The following ADAMTS17 variants were observed in gnomAD, a reference collection of about 807,000 sequenced individuals.
ADAMTS17 encodes the protein ADAM metallopeptidase with thrombospondin type 1 motif 17, also known as A disintegrin and metalloproteinase with thrombospondin motifs 17.
ADAMTS17 carries 113 observed loss-of-function variants against 141.5 expected under a neutral mutation model. That is an observed-to-expected ratio of 0.80 (90% CI 0.69 to 0.93). The LOEUF (loss-of-function observed/expected upper bound fraction) is 0.93, where lower values mean the gene tolerates loss of function less well. ADAMTS17 is among the 40% of genes least tolerant of loss of function. ADAMTS17 has a pLI of 0.00. For synonymous variants in ADAMTS17, 768 were observed against 630.6 expected, an observed-to-expected ratio of 1.22 and a Z score of -3.27; for missense variants, 1,659 against 1,517.9, an observed-to-expected ratio of 1.09 and a Z score of -1.54.
intron 14 of ADAMTS17, 28 bp from the exon 15 acceptor site, chr15:100,096,504 T>C: frequency 1.2e-6 from 2 of 1,613,970 alleles, no homozygotes; most frequent in Non-Finnish European, 1.7e-6. Context: ...CTCATTATTC[T>C]GTGGTTAAGA....
intron 17 of ADAMTS17, among the ~76,000 whole-genome samples, chr15:100,049,518 A>T (rs897132592): frequency 7.9e-5 from 12 of 152,208 alleles, no homozygotes; most frequent in African/African-American, 2.9e-4. Flanking sequence ...TTGTCTAGCC[A>T]GCCAGCTGGT....
At chr15:99,985,841 G>C (rs1226570387) in intron 20 of ADAMTS17, among the ~76,000 whole-genome samples, 1 of 152,172 alleles carries the variant, frequency 6.6e-6, no homozygotes, top group Non-Finnish European at 1.5e-5. Flanking sequence ...AAATGTCACG[G>C]GCCAATATCA....
intron 18 of ADAMTS17, among the ~76,000 whole-genome samples, chr15:100,002,978 G>C (rs1024176185): frequency 5.3e-5 from 8 of 152,028 alleles, no homozygotes; most frequent in Admixed American, 5.2e-4. Context: ...CCTCAGCCAG[G>C]GATGCTCTGC....
At chr15:100,158,117 G>C (rs2039520538) in intron 8 of ADAMTS17, among the ~76,000 whole-genome samples, 1 of 152,124 alleles carries the variant, frequency 6.6e-6, no homozygotes, top group Non-Finnish European at 1.5e-5. Context: ...TCAACCTCTT[G>C]ACCTTGTGAT....
chr15:100,197,423 C>T (rs1210696766), intron 8 of ADAMTS17, among the ~76,000 whole-genome samples: 3 of 152,036 alleles, frequency 2.0e-5, no homozygotes, highest in Admixed American at 2.0e-4. Context: ...TGGTTGGGTC[C>T]CTTGATGGTG....
chr15:100,003,695 T>C (rs1445868712), intron 18 of ADAMTS17, among the ~76,000 whole-genome samples: 1 of 152,084 alleles, frequency 6.6e-6, no homozygotes, highest in Non-Finnish European at 1.5e-5. Context: ...TATTATTTAG[T>C]TGTCAAAAAG....
At chr15:100,324,662 T>C (rs1366585488) in intron 3 of ADAMTS17, among the ~76,000 whole-genome samples, 2 of 152,192 alleles carry the variant, frequency 1.3e-5, no homozygotes, top group Non-Finnish European at 2.9e-5. Flanking sequence ...GATGGCAGAT[T>C]CAAGAATACT....
intron 18 of ADAMTS17, among the ~76,000 whole-genome samples, chr15:100,001,007 A>G (rs1276301302): frequency 6.6e-6 from 1 of 152,168 alleles, no homozygotes; most frequent in Non-Finnish European, 1.5e-5. Flanking sequence ...TCCAGGACAT[A>G]GACCTTATGC....
chr15:100,310,969 G>C (rs59050897), intron 3 of ADAMTS17, among the ~76,000 whole-genome samples: 5 of 152,022 alleles, frequency 3.3e-5, no homozygotes, highest in African/African-American at 4.8e-5. Flanking sequence ...GCTGGAAAAC[G>C]CTCAACAAAA....
intron 13 of ADAMTS17, among the ~76,000 whole-genome samples, chr15:100,114,493 TGA>T (rs1293655510): frequency 1.3e-5 from 2 of 152,200 alleles, no homozygotes; most frequent in Non-Finnish European, 2.9e-5. Flanking sequence ...TGTTGGTATT[TGA>T]GAGAAATGAA....
chr15:100,127,436 T>G (rs1041966757), intron 12 of ADAMTS17, among the ~76,000 whole-genome samples: 1 of 152,074 alleles, frequency 6.6e-6, no homozygotes, highest in Non-Finnish European at 1.5e-5. Context: ...GGATTCACCT[T>G]TGGAGTTTCA....
At chr15:100,068,651 T>G (rs1453061060) in intron 15 of ADAMTS17, among the ~76,000 whole-genome samples, 1 of 152,180 alleles carries the variant, frequency 6.6e-6, no homozygotes, top group Non-Finnish European at 1.5e-5. Flanking sequence ...GGGTCTGGAG[T>G]GGACCTCCAG....
At chr15:100,044,473 A>C (rs996727912) in intron 18 of ADAMTS17, among the ~76,000 whole-genome samples, 1 of 152,164 alleles carries the variant, frequency 6.6e-6, no homozygotes, top group Non-Finnish European at 1.5e-5. Flanking sequence ...AAAATTTCAG[A>C]TATTGTATTT....
chr15:100,106,423 A>T (rs1303852785), intron 14 of ADAMTS17, among the ~76,000 whole-genome samples: 1 of 152,214 alleles, frequency 6.6e-6, no homozygotes, highest in African/African-American at 2.4e-5. Flanking sequence ...AGGCCATTCA[A>T]ATGTCTGGAG....
In ADAMTS17 at chr15:100,281,396, T is replaced by C; in HGVS notation, c.622A>G (p.Lys208Glu). The change falls in exon 4 of 22, where the codon AAG becomes GAG. Residue 208 changes from lysine to glutamate, a missense_variant. Physicochemically the swap from Lys to Glu is moderately conservative, Grantham distance 56. Transcript: ENST00000268070. ...GAAGGCCTGCCCCACGTCGGCTTCTTCTTTTCTAGAAAATGATGGAAACAT... is the reference window on the plus strand; with the variant it reads ...GAAGGCCTGCCCCACGTCGGCTTCTCCTTTTCTAGAAAATGATGGAAACAT... ...EQLCKVLTEK[K>E]KPTWGRPSRD... The C allele has an allele frequency of 6.2e-7, 1 of 1,612,410 alleles. No individual in the cohort carries two copies. Among genetic ancestry groups the C allele is most frequent in the Non-Finnish European group, 8.5e-7 (1 of 1,179,870 alleles).
intron 8 of ADAMTS17, among the ~76,000 whole-genome samples, chr15:100,165,352 C>T (rs1320813678): frequency 6.6e-6 from 1 of 152,196 alleles, no homozygotes; most frequent in Admixed American, 6.5e-5. Context: ...TGTAATGCAC[C>T]ATCAGCACAT....
At chr15:100,324,021 T>C (rs1170380694) in intron 3 of ADAMTS17, among the ~76,000 whole-genome samples, 1 of 110,890 alleles carries the variant, frequency 9.0e-6, no homozygotes, top group Non-Finnish European at 1.9e-5. Flanking sequence ...CGTTCCTTTC[T>C]CTCAAAAAAA....
chr15:100,083,905 C>A (rs953062624), intron 15 of ADAMTS17, among the ~76,000 whole-genome samples: 2 of 151,814 alleles, frequency 1.3e-5, no homozygotes, highest in Non-Finnish European at 2.9e-5. Context: ...GTCTACAGCT[C>A]CCAGTGTGAG....
chr15:100,099,564 G>A (rs1444735856), intron 14 of ADAMTS17, among the ~76,000 whole-genome samples: 1 of 152,174 alleles, frequency 6.6e-6, no homozygotes, highest in African/African-American at 2.4e-5. Flanking sequence ...TTATCCTGGT[G>A]ATCCTTAGTT....
Sources: gnomAD v4.1 joint callset for allele counts (sites outside exome capture counted in the v4.1 genomes callset) on GRCh38, gnomAD v4.1.1 for gene constraint, MANE v1.5 for transcripts, NCBI Gene and HGNC (gene_info 2026-07-23, HGNC 2026-07-21) for gene names.